PCBP3: variants seen among roughly 807,000 people sequenced by gnomAD.
PCBP3 encodes poly(rC) binding protein 3.
PCBP3 carries 25 observed loss-of-function variants against 52.7 expected under a neutral mutation model. That is an observed-to-expected ratio of 0.47 (90% CI 0.35 to 0.66). The LOEUF is 0.66. Among genes scored for constraint, PCBP3 ranks in the 30% least tolerant of loss-of-function variants. The pLI, the probability that PCBP3 is intolerant of heterozygous loss-of-function variation, is 0.01. For synonymous variants in PCBP3, 162 were observed against 183.0 expected, an observed-to-expected ratio of 0.89 and a Z score of 0.93; for missense variants, 391 against 490.3, an observed-to-expected ratio of 0.80 and a Z score of 1.91.
intron 2 of PCBP3, among the ~76,000 whole-genome samples, chr21:45,669,871 A>T (rs1040535607): frequency 7.9e-6 from 1 of 126,636 alleles, no homozygotes; most frequent in South Asian, 2.5e-4. Flanking sequence ...TCATTCTTTG[A>T]TGGACACTTG....
At chr21:45,727,416 T>C (rs933449050) in intron 2 of PCBP3, among the ~76,000 whole-genome samples, 1 of 152,168 alleles carries the variant, frequency 6.6e-6, no homozygotes, top group African/African-American at 2.4e-5. Context: ...ATGACTGTCA[T>C]GAAGGAAGAA....
intron 5 of PCBP3, among the ~76,000 whole-genome samples, chr21:45,884,858 C>G (rs1305523508): frequency 6.6e-6 from 1 of 152,198 alleles, no homozygotes; most frequent in Non-Finnish European, 1.5e-5. Flanking sequence ...AATTTTTTTA[C>G]TGTCCCTCAT....
intron 9 of PCBP3, 36 bp from the exon 10 acceptor site, chr21:45,909,319 C>G (rs777232385): frequency 3.7e-6 from 6 of 1,602,052 alleles, no homozygotes; most frequent in Non-Finnish European, 5.1e-6. Context: ...CTGCACGACG[C>G]CTGAAGTGCT....
intron 4 of PCBP3, among the ~76,000 whole-genome samples, chr21:45,819,732 C>T (rs1040957426): frequency 3.9e-5 from 6 of 152,220 alleles, no homozygotes; most frequent in Admixed American, 6.5e-5. Context: ...TGCTCAAGGC[C>T]GGGGCCAGAG....
chr21:45,653,411 AG>A (rs1404387671), intron 1 of PCBP3, among the ~76,000 whole-genome samples: 1 of 152,066 alleles, frequency 6.6e-6, no homozygotes, highest in African/African-American at 2.4e-5. Context: ...CTGTGTTGTC[AG>A]GGCCACACAG....
intron 4 of PCBP3, among the ~76,000 whole-genome samples, chr21:45,834,553 G>A (rs942739737): frequency 6.6e-6 from 1 of 152,176 alleles, no homozygotes; most frequent in African/African-American, 2.4e-5. Context: ...CCTCACAACA[G>A]AAGACGGCCA....
At chr21:45,810,249 A>G (rs891107164) in intron 4 of PCBP3, among the ~76,000 whole-genome samples, 12 of 70,868 alleles carry the variant, frequency 1.7e-4, no homozygotes, top group Non-Finnish European at 3.0e-4. Flanking sequence ...TGTGTGTGAG[A>G]GAGTGTGTGT....
rs1039420283 is a variant in PCBP3 at position 45,735,227 on chromosome 21, A to C, written c.-199-165A>C. ...TTTTATGGAATTCTTTCTCTGGGAA[A>C]CTGTCTTTGACCTTCCCAATAACTG... On this transcript the variant is annotated intron_variant, in intron 2 of 17. Transcript: ENST00000681687. The surrounding 1 kb of genome is among the most constrained non-coding windows in gnomAD (Gnocchi z 4.0). Among the ~76,000 whole-genome samples, 3 of 152,188 alleles carry C rather than the reference A, an allele frequency of 2.0e-5. No homozygotes were observed. Among genetic ancestry groups the C allele is most frequent in the Non-Finnish European group, 4.4e-5 (3 of 68,030 alleles).
chr21:45,907,659 G>A (rs2096243163), intron 9 of PCBP3, among the ~76,000 whole-genome samples: 1 of 152,092 alleles, frequency 6.6e-6, no homozygotes, highest in Admixed American at 6.6e-5. Flanking sequence ...GTTGGTCATT[G>A]CAGGTCTTGT....
At chr21:45,908,840 C>T (rs1363200755) in intron 9 of PCBP3, among the ~76,000 whole-genome samples, 3 of 152,136 alleles carry the variant, frequency 2.0e-5, no homozygotes, top group Non-Finnish European at 4.4e-5. Context: ...CCGCCCCCCA[C>T]CTCAGCCTTC....
chr21:45,698,408 C>T (rs983394364), intron 2 of PCBP3, among the ~76,000 whole-genome samples: 10 of 152,248 alleles, frequency 6.6e-5, no homozygotes, highest in African/African-American at 2.2e-4. Context: ...CAAGCAGCTA[C>T]CAGGACAGGG....
chr21:45,723,006 C>G (rs1271441315), intron 2 of PCBP3, among the ~76,000 whole-genome samples: 1 of 151,528 alleles, frequency 6.6e-6, no homozygotes, highest in Non-Finnish European at 1.5e-5. Flanking sequence ...CCAGCAAGAC[C>G]CGTCTCAAAA....
At chr21:45,705,854 A>G (rs2083415347) in intron 2 of PCBP3, among the ~76,000 whole-genome samples, 1 of 152,196 alleles carries the variant, frequency 6.6e-6, no homozygotes, top group South Asian at 2.1e-4. Context: ...AGGAGGCAGG[A>G]ATAAAATACT....
Position 45,821,764 on chromosome 21 carries a change from G to A in PCBP3, c.-125-28197G>A, listed in dbSNP as rs144781299. On this transcript the variant is annotated intron_variant, in intron 4 of 17. Coordinates refer to ENST00000681687, the MANE Select transcript of PCBP3 (RefSeq NM_001384156.1). This position sits in a 1 kb window ranked among gnomAD's most constrained non-coding sequence, Gnocchi z 4.4. ...GGCTGTCATGCAGACTGGGGTTGGG[G>A]TTCTGTTCCCTCTACTGTACTGGAG... Among the ~76,000 whole-genome samples the A allele has an allele frequency of 3.5e-3, 539 of 152,220 alleles. 2 individuals are homozygous for A. Among genetic ancestry groups the A allele is most frequent in the African/African-American group, 0.012 (482 of 41,544 alleles).
chr21:45,905,517 T>C (rs2096179998), intron 9 of PCBP3, among the ~76,000 whole-genome samples: 1 of 152,258 alleles, frequency 6.6e-6, no homozygotes. Flanking sequence ...TGTCCCAGCC[T>C]GCTTGGGCTG....
intron 3 of PCBP3, among the ~76,000 whole-genome samples, chr21:45,739,867 C>T (rs1225154128): frequency 1.3e-5 from 2 of 152,232 alleles, no homozygotes; most frequent in Non-Finnish European, 2.9e-5. Flanking sequence ...CTTCGCTTTG[C>T]CTCTGTGTCC....
intron 4 of PCBP3, among the ~76,000 whole-genome samples, chr21:45,841,410 GA>G (rs11373212): frequency 1.3e-5 from 2 of 150,212 alleles, no homozygotes; most frequent in Non-Finnish European, 3.0e-5. Context: ...TTTCATTTCT[GA>G]AAAAAAAAAT....
chr21:45,674,123 G>T (rs2081329063), intron 2 of PCBP3, among the ~76,000 whole-genome samples: 1 of 152,058 alleles, frequency 6.6e-6, no homozygotes, highest in Non-Finnish European at 1.5e-5. Flanking sequence ...ATCTTGACTT[G>T]AGTCAAGACA....
chr21:45,868,708 C>T (rs995888641), intron 5 of PCBP3, among the ~76,000 whole-genome samples: 1 of 152,200 alleles, frequency 6.6e-6, no homozygotes, highest in Non-Finnish European at 1.5e-5. Context: ...CGTTGCACGT[C>T]CCCCCGTCAC....
Sources: gnomAD v4.1 joint callset for allele counts (sites outside exome capture counted in the v4.1 genomes callset) on GRCh38, gnomAD v4.1.1 for gene constraint, Gnocchi (gnomAD v3.1) non-coding constraint, MANE v1.5 for transcripts, NCBI Gene and HGNC (gene_info 2026-07-23, HGNC 2026-07-21) for gene names.